MYH9: variants seen among roughly 807,000 people sequenced by gnomAD.
MYH9 encodes the protein myosin-9.
MYH9 carries 29 observed loss-of-function variants against 241.9 expected under a neutral mutation model. That is an observed-to-expected ratio of 0.12 (90% CI 0.09 to 0.16). The LOEUF is 0.16. MYH9 is among the 10% of genes least tolerant of loss of function. The pLI is 1.00. For synonymous variants in MYH9, 1,047 were observed against 1,062.6 expected (o/e 0.99, Z 0.29); for missense variants, 1,803 against 2,595.5 (o/e 0.69, Z 6.63).
In MYH9 at chr22:36,315,747, CAA is replaced by C. The variant is rs11296505; in HGVS notation, c.1380+768_1380+769del. Among the ~76,000 whole-genome samples the C allele has an allele frequency of 2.2e-4, 33 of 150,446 alleles. 1 individual carries two copies. Among genetic ancestry groups the C allele is most frequent in the Admixed American group, 8.6e-4 (13 of 15,160 alleles). On this transcript the variant is annotated intron_variant, in intron 12 of 40. Coordinates refer to ENST00000216181, the MANE Select transcript of MYH9 (RefSeq NM_002473.6). ...TGGGTGACAGAGCAAGACCCTGCCTCAAAAAAAAAATAACAAACAAACAAAAG... is the reference window on the plus strand; with the variant it reads ...TGGGTGACAGAGCAAGACCCTGCCTCAAAAAAAATAACAAACAAACAAAAG...
chr22:36,338,167 T>C (rs1304508528), intron 3 of MYH9, among the ~76,000 whole-genome samples: 1 of 151,802 alleles, frequency 6.6e-6, no homozygotes, highest in African/African-American at 2.4e-5. Flanking sequence ...CTGGCTAATT[T>C]TTTTGTTTTT....
rs142268731 is a variant in MYH9 at position 36,286,530 on chromosome 22, T to A, written c.5061+188A>T. ...ATGCCAGTTTCACACACACACACAC[T>A]CTGATCATACGAGGGAGCCCCGCTA... On this transcript the variant is annotated intron_variant, in intron 35 of 40. Coordinates refer to ENST00000216181, the MANE Select transcript of MYH9 (RefSeq NM_002473.6). Among the ~76,000 whole-genome samples the A allele has an allele frequency of 1.2e-4, 19 of 152,110 alleles. No individual in the cohort carries two copies. The East Asian group carries it at 3.7e-3, about 29-fold the overall frequency.
At chr22:36,359,956 A>G (rs1248087140) in intron 1 of MYH9, among the ~76,000 whole-genome samples, 1 of 152,102 alleles carries the variant, frequency 6.6e-6, no homozygotes, top group Non-Finnish European at 1.5e-5. Flanking sequence ...TTGGAGTCCC[A>G]GGTCCCCTGC....
chr22:36,384,607 AAAAAATATATATATATATATATATAT>A (rs1416087044), intron 1 of MYH9, among the ~76,000 whole-genome samples: 23 of 29,418 alleles, frequency 7.8e-4, no homozygotes, highest in South Asian at 3.4e-3. Flanking sequence ...AAAAAAAAAA[AAAAAATATATATATATATATATATAT>A]ATATATATAT....
rs1435010087 is a variant in MYH9, at chr22:36,281,837, T to C, written c.*831A>G. The C allele has an allele frequency of 1.6e-4, 38 of 230,858 alleles. No homozygotes were observed. Among genetic ancestry groups the C allele is most frequent in the Non-Finnish European group, 6.0e-5 (7 of 116,364 alleles). The allele number at this position is 230,858 out of a possible 1,614,324, so 14.3% of individuals were successfully genotyped here. ...GCTGGCCCCTCTAACGCTCTGGCTG[T>C]CAGACTTGGGACAAGTCCCTTAACC... On this transcript the variant is annotated 3_prime_UTR_variant, in exon 41 of 41. Transcript: ENST00000216181.
At position 36,349,097 on chromosome 22, in the gene MYH9, T is replaced by C. The variant is rs772142110; in HGVS notation, c.140A>G (p.Lys47Arg). 1.9e-6 allele frequency: 3 copies of C among 1,614,198 alleles called. No individual in the cohort carries two copies. The highest frequency in any genetic ancestry group is 2.5e-6 in the Non-Finnish European group (3 of 1,180,012). Residue 47 changes from lysine to arginine, a missense_variant, in exon 2 of 41, where the codon AAG becomes AGG. Physicochemically the swap from Lys to Arg is conservative, Grantham distance 26 (BLOSUM62 2). Coordinates refer to ENST00000216181, the MANE Select transcript of MYH9 (RefSeq NM_002473.6). ...DKSGFEPASLKEEVGEEAIVE... is the reference protein window; with the variant it reads ...DKSGFEPASLREEVGEEAIVE... ...GATGGCCTCTTCGCCCACCTCCTCC[T>C]TGAGGCTGGCTGGCTCAAAGCCACT...
In MYH9 at chr22:36,300,154, C is replaced by A; in HGVS notation, c.2949G>T (p.Leu983=). The change falls in exon 23 of 41, where the codon CTG becomes CTT. Residue 983 remains leucine (L), a synonymous_variant. Transcript: ENST00000216181. The surrounding 1 kb of genome is among the most constrained non-coding windows in gnomAD (Gnocchi z 5.0). ...TGGCCAGCTTGCAGTTCTGGTCCTC[C>A]AGGATGATCTGCTCCTCCTCCAGCT... ...LKKLEEEQII[L]EDQNCKLAKE... is the part of the protein sequence containing the mutation. 6.2e-7 allele frequency: 1 copy of A among 1,612,828 alleles called. No homozygotes were observed. Among genetic ancestry groups the A allele is most frequent in the Non-Finnish European group, 8.5e-7 (1 of 1,180,024 alleles).
intron 3 of MYH9, among the ~76,000 whole-genome samples, chr22:36,336,300 A>G (rs893565145): frequency 1.3e-5 from 2 of 152,230 alleles, no homozygotes; most frequent in East Asian, 1.9e-4. Flanking sequence ...AGAGACATAC[A>G]CACCTTTCCC....
chr22:36,370,407 G>A (rs1023933080), intron 1 of MYH9, among the ~76,000 whole-genome samples: 4 of 152,178 alleles, frequency 2.6e-5, no homozygotes, highest in African/African-American at 9.7e-5. Context: ...TGCTCACCAT[G>A]GGCAAGGCAC....
At chr22:36,325,318 A>AC (rs2017318486) in intron 5 of MYH9, among the ~76,000 whole-genome samples, 1 of 152,118 alleles carries the variant, frequency 6.6e-6, no homozygotes, top group Non-Finnish European at 1.5e-5. Context: ...AGAAGACTGT[A>AC]CTCATTAGGC....
At chr22:36,351,930 C>T (rs745507348) in intron 1 of MYH9, among the ~76,000 whole-genome samples, 6 of 152,134 alleles carry the variant, frequency 3.9e-5, no homozygotes, top group South Asian at 2.1e-4. Flanking sequence ...CCCAGCACCA[C>T]GCTCAGTTTA....
At position 36,349,177 on chromosome 22, in the gene MYH9, C is replaced by A. The variant is rs754103144; in HGVS notation, c.60G>T (p.Pro20=). The A allele has an allele frequency of 3.2e-5, 51 of 1,614,040 alleles. No individual in the cohort carries two copies. Among genetic ancestry groups the A allele is most frequent in the Middle Eastern group, 1.6e-4 (1 of 6,084 alleles). The part of the protein sequence containing the change: ...LYVDKNFINN[P]LAQADWAAKK... ...TGGCAGCCCAGTCGGCCTGGGCCAG[C>A]GGATTGTTGATGAAGTTTTTATCCA... The change falls in exon 2 of 41, where the codon CCG becomes CCT. Residue 20 remains proline (P), a synonymous_variant. Coordinates refer to ENST00000216181, the MANE Select transcript of MYH9 (RefSeq NM_002473.6).
Position 36,284,425 on chromosome 22 carries a change from T to A in MYH9, c.5570A>T (p.Asn1857Ile), listed in dbSNP as rs1438662105. ...CACCTGGTCCTTGTACTGCTCGGCG[T>A]TCCTCCGCTCGTCATCCACCTGCAG... ...VLLQVDDERRNAEQYKDQADK... is the reference protein window; with the variant it reads ...VLLQVDDERRIAEQYKDQADK... The change falls in exon 39 of 41, where the codon AAC (asparagine) becomes ATC (isoleucine). Residue 1857 changes from asparagine to isoleucine, a missense_variant. By Grantham distance (149) the Asn-to-Ile change is moderately radical. This residue lies in a region of MYH9 where 876 missense variants were observed against 1,077.8 expected (regional missense o/e 0.81). Transcript: ENST00000216181. 1.2e-6 allele frequency: 2 copies of A among 1,612,964 alleles called. No individual in the cohort carries two copies. The highest frequency in any genetic ancestry group is 1.7e-6 in the Non-Finnish European group (2 of 1,180,030).
At position 36,282,053 on chromosome 22, in the gene MYH9, G is replaced by T. The variant is rs998046832; in HGVS notation, c.*615C>A. ...CGGACAGTGGCGCTGCCTGGGACAGGGTGGGGAGGAATCCACTCCTCCCCC... is the reference window on the plus strand; with the variant it reads ...CGGACAGTGGCGCTGCCTGGGACAGTGTGGGGAGGAATCCACTCCTCCCCC... On this transcript the variant is annotated 3_prime_UTR_variant, in exon 41 of 41. Transcript: ENST00000216181. 5 of 236,740 alleles carry T rather than the reference G, an allele frequency of 2.1e-5. No homozygotes were observed. In the East Asian group the frequency reaches 3.0e-4, roughly 14 times the overall value. 14.7% of individuals were successfully genotyped at this position (236,740 alleles called of 1,614,324 possible).
intron 1 of MYH9, among the ~76,000 whole-genome samples, chr22:36,385,908 T>C (rs1673837821): frequency 6.6e-6 from 1 of 152,212 alleles, no homozygotes; most frequent in Non-Finnish European, 1.5e-5. Flanking sequence ...TTGCCAAACC[T>C]GCAATGTGCT....
At chr22:36,317,360 G>A (rs907095561) in intron 11 of MYH9, among the ~76,000 whole-genome samples, 3 of 151,922 alleles carry the variant, frequency 2.0e-5, no homozygotes, top group African/African-American at 7.3e-5. Context: ...TTCATCACTG[G>A]GAATTGTTTT....
intron 6 of MYH9, 133 bp from the exon 7 acceptor site, chr22:36,321,954 C>A (rs1249287543): frequency 1.2e-6 from 1 of 837,478 alleles, no homozygotes; most frequent in Non-Finnish European, 2.0e-6. Context: ...GAGACGGGAC[C>A]CATGTACCAG....
chr22:36,313,046 C>T lies in MYH9; in HGVS notation c.1555-824G>A, dbSNP rs563169050. On this transcript the variant is annotated intron_variant, in intron 13 of 40. Coordinates refer to ENST00000216181, the MANE Select transcript of MYH9 (RefSeq NM_002473.6). ...CAAAGGTTGCAGTGAGCCGAGAGCA[C>T]GCCATTGCACTCCAGCCTGGGCGAC... Among the ~76,000 whole-genome samples, 5 of 149,688 alleles carry T rather than the reference C, an allele frequency of 3.3e-5. No homozygotes were observed. In the South Asian group the frequency reaches 6.4e-4, roughly 19 times the overall value.
chr22:36,318,183 C>T, intron 11 of MYH9, 24 bp downstream of exon 11: 1 of 1,597,830 alleles, frequency 6.3e-7, no homozygotes, highest in Non-Finnish European at 8.6e-7. Flanking sequence ...AGGCAGCCAG[C>T]TGCCCTGGCC....
Sources: gnomAD v4.1 joint callset for allele counts (sites outside exome capture counted in the v4.1 genomes callset) on GRCh38, gnomAD v4.1.1 for gene constraint, gnomAD v4.1.1 regional missense constraint, Gnocchi (gnomAD v3.1) non-coding constraint, MANE v1.5 for transcripts, NCBI Gene and HGNC (gene_info 2026-07-23, HGNC 2026-07-21) for gene names.